SEC14L3: variants seen among roughly 807,000 people sequenced by gnomAD.
The protein encoded by SEC14L3 is SEC14-like protein 3.
Under a neutral mutation model 57.4 loss-of-function variants are expected in SEC14L3, and 56 were observed. The ratio of observed to expected loss-of-function variants is 0.97; its 90% confidence interval spans 0.79 to 1.22. SEC14L3 has a LOEUF of 1.22. SEC14L3 is among the 50% of genes most tolerant of loss of function. The pLI, the probability that SEC14L3 is intolerant of heterozygous loss-of-function variation, is 0.00. For synonymous variants in SEC14L3, 173 were observed against 194.4 expected (o/e 0.89, Z 0.92); for missense variants, 485 against 511.7 (o/e 0.95, Z 0.50).
chr22:30,466,497 G>T (rs1601822776), intron 6 of SEC14L3, 103 bp from the exon 7 acceptor site: 10 of 1,525,560 alleles, frequency 6.6e-6, no homozygotes, highest in Non-Finnish European at 9.0e-6. Context: ...GCTCTGGAGG[G>T]TTTCCCTTCA....
At chr22:30,464,538 C>T (rs899319240) in intron 8 of SEC14L3, among the ~76,000 whole-genome samples, 22 of 152,148 alleles carry the variant, frequency 1.4e-4, no homozygotes, top group African/African-American at 5.3e-4. Flanking sequence ...TCAAGTGATC[C>T]TCCCACCTCA....
At position 30,461,549 on chromosome 22, in the gene SEC14L3, C is replaced by T. The variant is rs770768204; in HGVS notation, c.911+6G>A. The T allele has an allele frequency of 5.6e-6, 9 of 1,613,944 alleles. No individual in the cohort carries two copies. Among genetic ancestry groups the T allele is most frequent in the South Asian group, 4.4e-5 (4 of 91,068 alleles). ...GGGTCTCTGAGGGGTTAGGGCCTGC[C>T]CCTACCTGAGAACGCAGCCTGGAAA... On this transcript the variant is annotated splice_donor_region_variant and intron_variant, in intron 10 of 11. Transcript: ENST00000215812.
At position 30,470,587 on chromosome 22, in the gene SEC14L3, C is replaced by T; in HGVS notation, c.55-5G>A. 1 of 1,614,160 alleles carries T rather than the reference C, an allele frequency of 6.2e-7. No individual in the cohort carries two copies. The highest frequency in any genetic ancestry group is 8.5e-7 in the Non-Finnish European group (1 of 1,180,026). On this transcript the variant is annotated splice_region_variant and splice_polypyrimidine_tract_variant and intron_variant, in intron 1 of 11. Transcript: ENST00000215812. ...ATCCTGGACGTTTTCTCGGAACTGGCAAGAGAGATGCTGGTTAAAGTGGCT... is the reference window on the plus strand; with the variant it reads ...ATCCTGGACGTTTTCTCGGAACTGGTAAGAGAGATGCTGGTTAAAGTGGCT...
chr22:30,447,702 C>G (rs1219502456), downstream of SEC14L3, among the ~76,000 whole-genome samples: 1 of 152,202 alleles, frequency 6.6e-6, no homozygotes, highest in Non-Finnish European at 1.5e-5. Context: ...GTTTACAACT[C>G]TTACTAGTGT....
chr22:30,466,801 C>T (rs1935431111), intron 6 of SEC14L3, among the ~76,000 whole-genome samples, 181 bp downstream of exon 6: 2 of 152,016 alleles, frequency 1.3e-5, no homozygotes, highest in Admixed American at 1.3e-4. Flanking sequence ...CAGTGTTGTC[C>T]CTGAAACCCA....
intron 6 of SEC14L3, 49 bp from the exon 7 acceptor site, chr22:30,466,443 T>C (rs1935419598): frequency 6.2e-7 from 1 of 1,612,996 alleles, no homozygotes; most frequent in Admixed American, 1.7e-5. Flanking sequence ...CATCTTCTCC[T>C]ACCTCCATCT....
intron 12 of SEC14L3, among the ~76,000 whole-genome samples, chr22:30,454,109 T>A (rs954503044): frequency 3.3e-5 from 5 of 152,142 alleles, no homozygotes; most frequent in Non-Finnish European, 7.4e-5. Flanking sequence ...CTGTACAACC[T>A]GCCCCGCACC....
intron 6 of SEC14L3, 138 bp from the exon 7 acceptor site, chr22:30,466,532 G>T: frequency 1.0e-6 from 1 of 971,202 alleles, no homozygotes; most frequent in Non-Finnish European, 1.5e-6. Context: ...CTGGCCTCTG[G>T]AGGGAACCTT....
At position 30,467,078 on chromosome 22, in the gene SEC14L3, C is replaced by A. The variant is rs749472632; in HGVS notation, c.424-1G>T. The stretch of plus-strand genomic sequence containing the variant: ...CGATGGTCTCAATCTTCTTCCCTAG[C>A]TGCAAGGATGAGAGCAAGAAGTAGT... On this transcript the variant is annotated splice_acceptor_variant, in intron 5 of 11. Coordinates refer to ENST00000215812, the MANE Select transcript of SEC14L3 (RefSeq NM_174975.5). LOFTEE classifies it high-confidence loss of function. 4.3e-6 allele frequency: 7 copies of A among 1,613,898 alleles called. No homozygotes were observed. In the South Asian group the frequency reaches 5.5e-5, roughly 13 times the overall value.
intron 8 of SEC14L3, 48 bp downstream of exon 8, chr22:30,464,772 T>A (rs1935365477): frequency 1.3e-6 from 2 of 1,584,930 alleles, no homozygotes; most frequent in East Asian, 4.5e-5. Flanking sequence ...ACAACCTCAC[T>A]CCAAAGGTCA....
intron 8 of SEC14L3, 63 bp from the exon 9 acceptor site, chr22:30,462,255 C>T (rs939592811): frequency 6.5e-7 from 1 of 1,534,786 alleles, no homozygotes; most frequent in East Asian, 2.3e-5. Context: ...GCCTCCCACA[C>T]CCACCAGGAT....
chr22:30,471,496 CT>C (rs2146131640), intron 1 of SEC14L3, among the ~76,000 whole-genome samples: 1 of 152,286 alleles, frequency 6.6e-6, no homozygotes, highest in African/African-American at 2.4e-5. Context: ...GTCTCTTGGG[CT>C]TTTACAGACT....
rs551832114 is a variant in SEC14L3 at position 30,463,187 on chromosome 22, G to C, written c.665-995C>G. On this transcript the variant is annotated intron_variant, in intron 8 of 11. Transcript: ENST00000215812. ...ATGCCCAAGTCAGACCTCCTAGTGG[G>C]GGATGGACAGCCCTGGGCTTTTGGA... 5.3e-5 allele frequency among the ~76,000 whole-genome samples: 8 copies of C among 152,312 alleles called. No homozygotes were observed. The East Asian group carries it at 1.5e-3, about 29-fold the overall frequency.
At chr22:30,454,933 TATATAATATATTATTATATATCATATA>T (rs1935076992), downstream of SEC14L3, among the ~76,000 whole-genome samples, 1 of 34,998 alleles carries the variant, frequency 2.9e-5, no homozygotes, top group East Asian at 1.7e-3. Context: ...ATATAATAGA[TATATAATATATTATTATATATCATATA>T]ATAGATATAT....
At chr22:30,462,973 G>A (rs946181419) in intron 8 of SEC14L3, among the ~76,000 whole-genome samples, 1 of 152,080 alleles carries the variant, frequency 6.6e-6, no homozygotes, top group Non-Finnish European at 1.5e-5. Context: ...CTGACCTTGT[G>A]ATCCACCCGC....
chr22:30,449,282 C>T, intron 12 of SEC14L3: 1 of 1,546,220 alleles, frequency 6.5e-7, no homozygotes, highest in Non-Finnish European at 8.7e-7. Flanking sequence ...ACAAAACAAA[C>T]AAAAAGAAAT....
rs1329488195 is a variant in SEC14L3 at position 30,452,714 on chromosome 22, TTTC to T, written c.905-3473_905-3471del. Among the ~76,000 whole-genome samples, 629 of 136,982 alleles carry T rather than the reference TTTC, an allele frequency of 4.6e-3. 3 individuals are homozygous for T. Among genetic ancestry groups the T allele is most frequent in the Non-Finnish European group, 8.2e-3 (492 of 60,024 alleles). 89.9% of individuals were successfully genotyped at this position (136,982 alleles called of 152,430 possible). A position where few individuals can be genotyped will look rare whatever the true frequency, so the allele number is the denominator to read the frequency against. The stretch of plus-strand genomic sequence containing the variant: ...AAAGCTCTTCCTCTTTCTTTCTTTC[TTTC>T]TTTTTTTTTTTTTTTTGACAGGTTC... On this transcript the variant is annotated intron_variant, in intron 12 of 12. Transcript: ENST00000403066.
At chr22:30,471,756 TG>T (rs2146132439) in intron 1 of SEC14L3, 148 bp downstream of exon 1, 1 of 1,125,908 alleles carries the variant, frequency 8.9e-7, no homozygotes, top group Non-Finnish European at 1.3e-6. Context: ...CTGGGCACCG[TG>T]GGGCTTGACC....
chr22:30,454,846 A>G (rs1246844626), downstream of SEC14L3, among the ~76,000 whole-genome samples: 2 of 60,282 alleles, frequency 3.3e-5, 1 homozygote, highest in African/African-American at 1.6e-4. Context: ...ATAATATATA[A>G]TATATTATAT....
Sources: allele counts gnomAD v4.1 joint callset (sites outside exome capture counted in the v4.1 genomes callset), GRCh38; gene constraint gnomAD v4.1.1; transcripts MANE v1.5; gene names NCBI Gene and HGNC (gene_info 2026-07-23, HGNC 2026-07-21).